Variants in KCNK2 observed in about 807,000 individuals in gnomAD.
KCNK2 encodes the protein potassium two pore domain channel subfamily K member 2.
A neutral mutation model predicts 40.5 loss-of-function variants in KCNK2; 21 were observed. That is an observed-to-expected ratio of 0.52 (90% CI 0.37 to 0.75). The LOEUF (loss-of-function observed/expected upper bound fraction) is 0.75, where lower values mean the gene tolerates loss of function less well. Among genes scored for constraint, KCNK2 ranks in the 30% least tolerant of loss-of-function variants. The pLI is 0.00. For missense variants in KCNK2, 399 were observed against 531.6 expected, an observed-to-expected ratio of 0.75 and a Z score of 2.45; for synonymous variants, 191 against 202.2, an observed-to-expected ratio of 0.94 and a Z score of 0.47.
At chr1:215,082,721 A>C (rs1659216085), upstream of KCNK2, among the ~76,000 whole-genome samples, 1 of 151,344 alleles carries the variant, frequency 6.6e-6, no homozygotes, top group African/African-American at 2.4e-5. Flanking sequence ...AAGAGGAGGG[A>C]GTTCCGAAAG....
chr1:215,205,860 G>A (rs77731649), intron 6 of KCNK2, among the ~76,000 whole-genome samples: 2,445 of 152,214 alleles, frequency 0.016, 57 homozygotes, highest in African/African-American at 0.055. Flanking sequence ...TAATAGTATT[G>A]TTCAAGGAAA....
intron 1 of KCNK2, among the ~76,000 whole-genome samples, chr1:215,052,464 G>A (rs1363874570): frequency 6.6e-6 from 1 of 152,162 alleles, no homozygotes; most frequent in Non-Finnish European, 1.5e-5. Context: ...TCAGATTCAG[G>A]ATAAACATTG....
chr1:215,220,020 C>A (rs1173529927), intron 6 of KCNK2, among the ~76,000 whole-genome samples: 2 of 152,120 alleles, frequency 1.3e-5, no homozygotes, highest in African/African-American at 4.8e-5. Flanking sequence ...GGATAAAGGA[C>A]AATAATATTT....
chr1:215,183,680 C>G (rs1299999458), intron 5 of KCNK2, among the ~76,000 whole-genome samples: 1 of 152,026 alleles, frequency 6.6e-6, no homozygotes, highest in African/African-American at 2.4e-5. Context: ...TAAATCTAAA[C>G]CATTCTCTTA....
intron 3 of KCNK2, among the ~76,000 whole-genome samples, chr1:215,167,126 A>T (rs564691984): frequency 6.6e-6 from 1 of 152,282 alleles, no homozygotes; most frequent in South Asian, 2.1e-4. Flanking sequence ...TAAAGTGACT[A>T]AACATTAGCT....
intron 2 of KCNK2, among the ~76,000 whole-genome samples, chr1:215,116,886 A>C (rs1044316666): frequency 6.6e-6 from 1 of 151,962 alleles, no homozygotes; most frequent in African/African-American, 2.4e-5. Context: ...AAATATGCTT[A>C]TCAGTCTCTA....
At chr1:215,129,653 C>T (rs1661580684) in intron 3 of KCNK2, among the ~76,000 whole-genome samples, 1 of 152,020 alleles carries the variant, frequency 6.6e-6, no homozygotes, top group African/African-American at 2.4e-5. Context: ...CAGATTTTGG[C>T]ATGTTCAAAG....
At chr1:215,128,480 A>T (rs1215374204) in intron 3 of KCNK2, among the ~76,000 whole-genome samples, 1 of 152,192 alleles carries the variant, frequency 6.6e-6, no homozygotes, top group East Asian at 1.9e-4. Flanking sequence ...GGGAGACAAC[A>T]TTTCCACGTA....
chr1:215,198,952 A>G (rs1664974249), intron 6 of KCNK2, among the ~76,000 whole-genome samples: 1 of 152,168 alleles, frequency 6.6e-6, no homozygotes, highest in Non-Finnish European at 1.5e-5. Context: ...TAAACCATAC[A>G]GGTTTAAGTG....
chr1:215,048,040 A>G (rs1377322150), intron 1 of KCNK2, among the ~76,000 whole-genome samples: 1 of 152,188 alleles, frequency 6.6e-6, no homozygotes, highest in South Asian at 2.1e-4. Context: ...GAACATTCTG[A>G]TAATATTATT....
intron 1 of KCNK2, among the ~76,000 whole-genome samples, chr1:215,028,529 TTC>T (rs1472586586): frequency 6.6e-6 from 1 of 152,212 alleles, no homozygotes; most frequent in Non-Finnish European, 1.5e-5. Flanking sequence ...TCTTTCTACT[TTC>T]TCTTGTTTTG....
At chr1:215,174,445 G>A (rs967878282) in intron 5 of KCNK2, among the ~76,000 whole-genome samples, 1 of 152,142 alleles carries the variant, frequency 6.6e-6, no homozygotes, top group Non-Finnish European at 1.5e-5. Flanking sequence ...GATTGACTTG[G>A]CAATGCGGGC....
intron 3 of KCNK2, among the ~76,000 whole-genome samples, chr1:215,132,131 C>T (rs1158744641): frequency 6.6e-6 from 1 of 152,130 alleles, no homozygotes; most frequent in Non-Finnish European, 1.5e-5. Context: ...ACCGCAAAGC[C>T]TATGCTTGTT....
rs751045378 is a variant in KCNK2 at position 215,086,707 on chromosome 1, G to A, written c.357+29G>A. On this transcript the variant is annotated intron_variant, in intron 2 of 6. Transcript: ENST00000444842. ...ATGGCATGGGAGGAGTTGTTACTCT[G>A]TTCCCCCAAATGGGAAATAAAGTGA... 2.8e-5 allele frequency: 45 copies of A among 1,586,734 alleles called. No homozygotes were observed. In the South Asian group the frequency reaches 3.3e-4, roughly 12 times the overall value.
At chr1:215,129,264 T>A (rs1221477998) in intron 3 of KCNK2, among the ~76,000 whole-genome samples, 1 of 152,188 alleles carries the variant, frequency 6.6e-6, no homozygotes, top group East Asian at 1.9e-4. Context: ...CAAGATTTTA[T>A]ATGTTGTATT....
chr1:215,059,093 G>GTA (rs917248788), intron 1 of KCNK2, among the ~76,000 whole-genome samples: 7 of 147,878 alleles, frequency 4.7e-5, no homozygotes, highest in South Asian at 2.5e-4. Flanking sequence ...ATATATTCGT[G>GTA]TATATATATA....
chr1:215,191,494 T>G (rs1482026536), intron 5 of KCNK2, among the ~76,000 whole-genome samples: 1 of 152,048 alleles, frequency 6.6e-6, no homozygotes, highest in Non-Finnish European at 1.5e-5. Context: ...TGAGCTATAT[T>G]TTTTGTAGTT....
chr1:215,228,133 G>C (rs1355231498), intron 6 of KCNK2, among the ~76,000 whole-genome samples: 1 of 152,108 alleles, frequency 6.6e-6, no homozygotes, highest in Non-Finnish European at 1.5e-5. Context: ...GATGGTAATT[G>C]AAACAATCGG....
chr1:215,018,209 G>A (rs1452608), intron 1 of KCNK2, among the ~76,000 whole-genome samples: 85,176 of 151,984 alleles, frequency 0.56, 25,549 homozygotes, highest in South Asian at 0.78. Flanking sequence ...TTAAAATTGT[G>A]GTTTTGATTG....
Sources: gnomAD v4.1 joint callset for allele counts (sites outside exome capture counted in the v4.1 genomes callset) on GRCh38, gnomAD v4.1.1 for gene constraint, MANE v1.5 for transcripts, NCBI Gene and HGNC (gene_info 2026-07-23, HGNC 2026-07-21) for gene names.